Variants in F8 observed in about 807,000 individuals in gnomAD.
F8 encodes the protein coagulation factor VIII.
Under a neutral mutation model 140.6 loss-of-function variants are expected in F8, and 12 were observed. The ratio of observed to expected loss-of-function variants is 0.09; its 90% CI spans 0.05 to 0.14. The LOEUF (loss-of-function observed/expected upper bound fraction) is 0.14, where lower values mean the gene tolerates loss of function less well. Ranked by LOEUF, F8 falls within the 10% of genes least tolerant of loss-of-function variation. F8 has a pLI of 1.00. For synonymous variants in F8, 585 were observed against 614.6 expected (o/e 0.95, Z 0.71); for missense variants, 1,354 against 1,720.7 (o/e 0.79, Z 3.77).
intron 14 of F8, among the ~76,000 whole-genome samples, chrX:154,910,979 C>T (rs979420402): frequency 9.1e-6 from 1 of 110,434 alleles, no homozygotes; most frequent in Non-Finnish European, 1.9e-5. Flanking sequence ...TGTATACGTG[C>T]ACATCAGGGC....
intron 1 of F8, among the ~76,000 whole-genome samples, chrX:155,017,856 T>C (rs2073742456): frequency 9.0e-6 from 1 of 111,120 alleles, no homozygotes. Flanking sequence ...TTAATGAATA[T>C]GAGAGATACT....
In F8 at chrX:154,850,083, TTGTGTGTGTGTGTGTGTG is replaced by T. The variant is rs60052978; in HGVS notation, c.6900+10331_6900+10348del. On this transcript the variant is annotated intron_variant, in intron 25 of 25. Coordinates refer to ENST00000360256, the MANE Select transcript of F8 (RefSeq NM_000132.4). ...AGATCAAGGGGTAGGCAGGCTTGTT[TTGTGTGTGTGTGTGTGTG>T]TGTGTGTGTGTGTGTGTGTATTTTT... is the stretch of plus-strand genomic sequence containing the variant. 5.2e-5 allele frequency among the ~76,000 whole-genome samples: 5 copies of T among 96,087 alleles called. No individual in the cohort carries two copies. In the East Asian group the frequency reaches 1.6e-3, roughly 31 times the overall value. 83.4% of individuals were successfully genotyped at this position (96,087 alleles called of 115,157 possible).
At chrX:154,919,702 C>T in intron 14 of F8, 2 of 395,491 alleles carry the variant, frequency 5.1e-6, no homozygotes, top group Non-Finnish European at 4.3e-6. Context: ...TCCTGTGTTG[C>T]CAGTCTATCC....
At chrX:154,875,928 A>G (rs1557273965) in intron 22 of F8, among the ~76,000 whole-genome samples, 2 of 110,947 alleles carry the variant, frequency 1.8e-5, no homozygotes, top group Non-Finnish European at 3.8e-5. Context: ...AAGGGAATAC[A>G]GTTTGAGAAA....
chrX:154,928,260 C>A (rs782364586), intron 14 of F8, among the ~76,000 whole-genome samples: 2 of 112,070 alleles, frequency 1.8e-5, no homozygotes, highest in South Asian at 7.5e-4. Context: ...CAATCCTCCC[C>A]AAGTCCTTAA....
chrX:154,861,511 T>C (rs2072690490), intron 24 of F8, among the ~76,000 whole-genome samples: 1 of 112,268 alleles, frequency 8.9e-6, no homozygotes, highest in African/African-American at 3.2e-5. Context: ...GTACTAGATA[T>C]AGAGATTCTT....
At chrX:154,988,989 T>C (rs1274264839) in intron 4 of F8, among the ~76,000 whole-genome samples, 1 of 112,019 alleles carries the variant, frequency 8.9e-6, no homozygotes, top group Admixed American at 9.5e-5. Context: ...TACTCACAGT[T>C]CCTGTTCTGC....
chrX:154,913,723 C>G (rs1049712224), intron 14 of F8, among the ~76,000 whole-genome samples: 2 of 112,957 alleles, frequency 1.8e-5, no homozygotes, highest in Non-Finnish European at 3.7e-5. Flanking sequence ...TTAGGTCACC[C>G]TGATACAAAA....
intron 1 of F8, among the ~76,000 whole-genome samples, chrX:155,007,096 C>T (rs2073680102): frequency 1.9e-5 from 2 of 107,739 alleles, no homozygotes; most frequent in African/African-American, 6.8e-5. Context: ...ACTTTCTGTA[C>T]TGGCTGAGGG....
intron 7 of F8, among the ~76,000 whole-genome samples, chrX:154,967,305 A>T (rs2073430918): frequency 8.9e-6 from 1 of 112,261 alleles, no homozygotes; most frequent in Non-Finnish European, 1.9e-5. Flanking sequence ...AATCAAGGAG[A>T]TATATATTTT....
At position 155,018,411 on chromosome X, in the gene F8, C is replaced by T. The variant is rs782729614; in HGVS notation, c.143+3999G>A. Reference sequence around the variant, plus strand: ...TTAATGTGTGAACAGTGCATAGCTACATGCCAATAAAGCAGCACAGTTAAT... The same window carrying T: ...TTAATGTGTGAACAGTGCATAGCTATATGCCAATAAAGCAGCACAGTTAAT... On this transcript the variant is annotated intron_variant, in intron 1 of 25. Coordinates refer to ENST00000360256, the MANE Select transcript of F8 (RefSeq NM_000132.4). Among the ~76,000 whole-genome samples the T allele has an allele frequency of 9.0e-5, 10 of 110,557 alleles. No individual in the cohort carries two copies. In the East Asian group the frequency reaches 2.5e-3, roughly 28 times the overall value.
chrX:155,020,037 C>T (rs1557287366), intron 1 of F8, among the ~76,000 whole-genome samples: 1 of 111,432 alleles, frequency 9.0e-6, no homozygotes, highest in African/African-American at 3.3e-5. Flanking sequence ...TGAAAAATAT[C>T]TTAACAGTTT....
chrX:154,913,167 C>A (rs1397613954), intron 14 of F8, among the ~76,000 whole-genome samples: 1 of 111,822 alleles, frequency 8.9e-6, no homozygotes, highest in Non-Finnish European at 1.9e-5. Context: ...TTGGTTCACA[C>A]AATGCACCAA....
intron 1 of F8, among the ~76,000 whole-genome samples, chrX:155,014,254 T>A (rs782426763): frequency 5.3e-4 from 59 of 111,967 alleles, no homozygotes; most frequent in Non-Finnish European, 6.4e-4. Context: ...ATAAAAACTC[T>A]CACACCAAGA....
chrX:154,972,390 T>C (rs1244746945), intron 6 of F8, among the ~76,000 whole-genome samples: 2 of 111,801 alleles, frequency 1.8e-5, no homozygotes, highest in Admixed American at 9.5e-5. Flanking sequence ...GCTATTGAGT[T>C]GTTTGAGTTC....
At chrX:155,006,190 G>C (rs2073675964) in intron 1 of F8, among the ~76,000 whole-genome samples, 1 of 108,270 alleles carries the variant, frequency 9.2e-6, no homozygotes, top group South Asian at 4.1e-4. Flanking sequence ...CTATAAATCT[G>C]TGGAAACGCT....
chrX:154,981,871 G>C (rs1557283623), intron 6 of F8, among the ~76,000 whole-genome samples: 1 of 111,375 alleles, frequency 9.0e-6, no homozygotes, highest in African/African-American at 3.3e-5. Context: ...TTAAGAAAAA[G>C]GTATGTTATG....
intron 6 of F8, chrX:154,977,415 A>G (rs1433842625): frequency 9.0e-6 from 1 of 111,364 alleles, no homozygotes; most frequent in Non-Finnish European, 1.9e-5. Context: ...TTTTTCTTTC[A>G]GTTTGAAAAA....
At position 155,022,472 on chromosome X, in the gene F8, A is replaced by C. The variant is rs782489190; in HGVS notation, c.81T>G (p.Gly27=). 1.7e-6 allele frequency: 2 copies of C among 1,211,300 alleles called. No homozygotes were observed. The highest frequency in any genetic ancestry group is 3.5e-5 in the South Asian group (2 of 56,913). ...TATAGTCCCATGACAGTTCCACTGC[A>C]CCCAGGTAGTATCTTCTGGTGGCAC... ...CFSATRRYYL[G]AVELSWDYMQ... The change falls in exon 1 of 26, where the codon GGT becomes GGG. Residue 27 remains glycine, a synonymous_variant. Transcript: ENST00000360256.
Sources: allele counts gnomAD v4.1 joint callset (sites outside exome capture counted in the v4.1 genomes callset), GRCh38; gene constraint gnomAD v4.1.1; transcripts MANE v1.5; gene names NCBI Gene and HGNC (gene_info 2026-07-23, HGNC 2026-07-21).